Variants in ABCC1 observed in about 807,000 individuals in gnomAD.
ABCC1 encodes ATP binding cassette subfamily C member 1 (ABCC1 blood group).
A neutral mutation model predicts 172.9 loss-of-function variants in ABCC1; 83 were observed. That is an observed-to-expected ratio of 0.48 (90% CI 0.40 to 0.58). The LOEUF (loss-of-function observed/expected upper bound fraction) is 0.58, where lower values mean the gene tolerates loss of function less well. Among genes scored for constraint, ABCC1 ranks in the 20% least tolerant of loss-of-function variants. ABCC1 has a pLI of 0.00. For synonymous variants in ABCC1, 937 were observed against 825.2 expected (o/e 1.14, Z -2.32); for missense variants, 1,817 against 2,002.7 (o/e 0.91, Z 1.77).
intron 24 of ABCC1, 85 bp from the exon 25 acceptor site, chr16:16,124,704 T>C: frequency 2.5e-6 from 4 of 1,582,242 alleles, no homozygotes; most frequent in Non-Finnish European, 3.5e-6. Context: ...TAGCAAAGAA[T>C]CCCCTTCCTC....
chr16:16,103,411 C>G (rs1165805535), intron 20 of ABCC1, among the ~76,000 whole-genome samples: 3 of 152,038 alleles, frequency 2.0e-5, no homozygotes. Context: ...GAAACCCTGT[C>G]TCTACTAAAG....
In ABCC1 at chr16:16,052,739, G is replaced by T; in HGVS notation, c.1396G>T (p.Val466Phe). 2 of 1,614,134 alleles carry T rather than the reference G, an allele frequency of 1.2e-6. No individual in the cohort carries two copies. The highest frequency in any genetic ancestry group is 1.1e-5 in the South Asian group (1 of 91,084). The change falls in exon 11 of 31, where the codon GTC becomes TTC. Residue 466 changes from valine to phenylalanine, a missense_variant. Physicochemically the swap from Val to Phe is conservative, Grantham distance 50. Coordinates refer to ENST00000399410, the MANE Select transcript of ABCC1 (RefSeq NM_004996.4). ...YLLWLNLGPS[V>F]LAGVAVMVLM... ...CCTTCCTTAGAATCTGGGCCCTTCC[G>T]TCCTGGCTGGAGTGGCGGTGATGGT...
rs368326285 is a variant in ABCC1 at position 16,138,467 on chromosome 16, G to A, written c.4396G>A (p.Asp1466Asn). 19 of 1,613,202 alleles carry A rather than the reference G, an allele frequency of 1.2e-5. No individual in the cohort carries two copies. The African/African-American group carries it at 1.3e-4, about 11-fold the overall frequency. ...ATAAVDLETD[D>N]LIQSTIRTQF... is the part of the protein sequence containing the mutation. ...GGCAGCCGTGGACCTGGAAACGGACGACCTCATCCAGTCCACCATCCGGAC... is the reference window on the plus strand; with the variant it reads ...GGCAGCCGTGGACCTGGAAACGGACAACCTCATCCAGTCCACCATCCGGAC... Residue 1466 changes from aspartate (D) to asparagine (N), a missense_variant, in exon 30 of 31, where the codon GAC (aspartate) becomes AAC (asparagine). Physicochemically the swap from Asp to Asn is conservative, Grantham distance 23. This residue lies in a region of ABCC1 where 1,412 missense variants were observed against 1,600.3 expected (regional missense o/e 0.88). Transcript: ENST00000399410.
At chr16:16,088,419 TG>T (rs1345816086) in intron 18 of ABCC1, among the ~76,000 whole-genome samples, 1 of 152,218 alleles carries the variant, frequency 6.6e-6, no homozygotes, top group African/African-American at 2.4e-5. Context: ...CACTCTAGCC[TG>T]GGTAACAGAG....
At chr16:16,046,313 T>G (rs1249120643) in intron 9 of ABCC1, among the ~76,000 whole-genome samples, 2 of 152,166 alleles carry the variant, frequency 1.3e-5, no homozygotes, top group East Asian at 3.9e-4. Context: ...CATTCTGCTG[T>G]TAACATTCTG....
intron 5 of ABCC1, among the ~76,000 whole-genome samples, chr16:16,027,739 G>C (rs1209420583): frequency 6.6e-6 from 1 of 152,132 alleles, no homozygotes; most frequent in Admixed American, 6.5e-5. Context: ...CTTGAACCTG[G>C]GAGGTCGAGG....
At chr16:16,095,728 G>A (rs957729027) in intron 19 of ABCC1, among the ~76,000 whole-genome samples, 2 of 151,936 alleles carry the variant, frequency 1.3e-5, no homozygotes, top group Non-Finnish European at 2.9e-5. Context: ...ATATCAGTCT[G>A]TTGCCCAGGC....
chr16:16,106,985 C>T, intron 21 of ABCC1, 112 bp downstream of exon 21: 1 of 1,416,662 alleles, frequency 7.1e-7, no homozygotes. Flanking sequence ...TCCATCACAA[C>T]ACACCTGTGA....
rs191393532 is a variant in ABCC1, at chr16:16,001,631, C to T, written c.49-6185C>T. Among the ~76,000 whole-genome samples, 110 of 152,240 alleles carry T rather than the reference C, an allele frequency of 7.2e-4. 1 individual carries two copies. The highest frequency in any genetic ancestry group is 6.2e-3 in the Admixed American group (94 of 15,280). The stretch of plus-strand genomic sequence containing the variant: ...ATGAATCTTCCTCTGAGCAGGAAAA[C>T]GTGATTGCTTTTAAATCCATATGGA... On this transcript the variant is annotated intron_variant, in intron 1 of 30. Coordinates refer to ENST00000399410, the MANE Select transcript of ABCC1 (RefSeq NM_004996.4).
chr16:16,066,978 C>A (rs974654460), intron 12 of ABCC1, among the ~76,000 whole-genome samples: 4 of 151,622 alleles, frequency 2.6e-5, no homozygotes, highest in African/African-American at 7.3e-5. Context: ...AGGATGGGTG[C>A]AGTGGCTCAT....
At position 16,124,335 on chromosome 16, in the gene ABCC1, G is replaced by GTGTGTGTGTGTGTGTGTGTGTGTGTA. The variant is rs766911904; in HGVS notation, c.3591-440_3591-439insTGTGTGTGTGTATGTGTGTGTGTGTG. ...ATGCACTGTGTGTGTGTGTGTGTGT[G>GTGTGTGTGTGTGTGTGTGTGTGTGTA]TGTGTGTGTGTGTGATTATAGGAGT... On this transcript the variant is annotated intron_variant, in intron 24 of 30. Coordinates refer to ENST00000399410, the MANE Select transcript of ABCC1 (RefSeq NM_004996.4). Among the ~76,000 whole-genome samples the GTGTGTGTGTGTGTGTGTGTGTGTGTA allele has an allele frequency of 3.4e-3, 300 of 87,974 alleles. 16 individuals carry two copies. Among genetic ancestry groups the GTGTGTGTGTGTGTGTGTGTGTGTGTA allele is most frequent in the East Asian group, 0.013 (39 of 2,970 alleles). The allele number at this position is 87,974 out of a possible 152,430, so 57.7% of individuals were successfully genotyped here. A position where few individuals can be genotyped will look rare whatever the true frequency, so the allele number is the denominator to read the frequency against.
In ABCC1 at chr16:16,007,214, T is replaced by TTGTGTGTGTGTG. The variant is rs71388788; in HGVS notation, c.49-583_49-572dup. The stretch of plus-strand genomic sequence containing the variant: ...TGGGTTTTTTTGTGTGTATGCACTG[T>TTGTGTGTGTGTG]TGTGTGTGTGTGTGTGTGTGTGTGT... On this transcript the variant is annotated intron_variant, in intron 1 of 30. Transcript: ENST00000399410. Among the ~76,000 whole-genome samples the TTGTGTGTGTGTG allele has an allele frequency of 9.0e-3, 1,314 of 145,838 alleles. 24 individuals are homozygous for TTGTGTGTGTGTG. The highest frequency in any genetic ancestry group is 0.031 in the African/African-American group (1,213 of 38,848).
intron 6 of ABCC1, among the ~76,000 whole-genome samples, 180 bp downstream of exon 6, chr16:16,033,350 G>C (rs553903643): frequency 4.4e-4 from 67 of 152,320 alleles, no homozygotes; most frequent in African/African-American, 1.3e-3. Context: ...CTGTCCGGCA[G>C]TTCCGTGAAC....
At chr16:15,979,451 G>A (rs185531376) in intron 1 of ABCC1, among the ~76,000 whole-genome samples, 2 of 152,234 alleles carry the variant, frequency 1.3e-5, no homozygotes, top group Admixed American at 1.3e-4. Context: ...GCACGTGTAA[G>A]GTGAAAATTG....
intron 24 of ABCC1, among the ~76,000 whole-genome samples, chr16:16,122,998 G>C (rs184331606): frequency 8.3e-4 from 127 of 152,220 alleles, no homozygotes; most frequent in African/African-American, 2.7e-3. Context: ...ATTTAGAGAA[G>C]TGTCCCTCTC....
chr16:16,122,058 C>T lies in ABCC1; in HGVS notation c.3474C>T (p.Thr1158=), dbSNP rs1351913382. 2 of 1,614,208 alleles carry T rather than the reference C, an allele frequency of 1.2e-6. No individual in the cohort carries two copies. The highest frequency in any genetic ancestry group is 1.7e-6 in the Non-Finnish European group (2 of 1,180,040). ...RSPVYSHFNE[T]LLGVSVIRAF... is the part of the protein sequence containing the mutation. ...CGGTCTATTCCCATTTCAACGAGAC[C>T]TTGCTGGGGGTCAGCGTCATTCGAG... The change falls in exon 24 of 31, where the codon ACC becomes ACT. Residue 1158 remains threonine, a synonymous_variant. Coordinates refer to ENST00000399410, the MANE Select transcript of ABCC1 (RefSeq NM_004996.4).
chr16:15,982,826 G>GAAAAAAAAAAAAAAAAAAAA (rs1272269895), intron 1 of ABCC1, among the ~76,000 whole-genome samples: 2 of 43,630 alleles, frequency 4.6e-5, no homozygotes, highest in African/African-American at 8.7e-5. Context: ...AAAAAAAAAG[G>GAAAAAAAAAAAAAAAAAAAA]AAATCCATTC....
chr16:16,012,553 T>A (rs1011979171), intron 3 of ABCC1, among the ~76,000 whole-genome samples: 7 of 151,356 alleles, frequency 4.6e-5, no homozygotes, highest in Non-Finnish European at 1.5e-5. Context: ...CAGGCTAGTC[T>A]TAAACTCCCG....
At chr16:16,001,374 G>A (rs1380999597) in intron 1 of ABCC1, among the ~76,000 whole-genome samples, 2 of 151,916 alleles carry the variant, frequency 1.3e-5, no homozygotes, top group African/African-American at 2.4e-5. Context: ...CACCACGCCC[G>A]GCTAATTTTT....
Sources: gnomAD v4.1 joint callset for allele counts (sites outside exome capture counted in the v4.1 genomes callset) on GRCh38, gnomAD v4.1.1 for gene constraint, gnomAD v4.1.1 regional missense constraint, MANE v1.5 for transcripts, NCBI Gene and HGNC (gene_info 2026-07-23, HGNC 2026-07-21) for gene names.